Variants in ADGRG3 observed in about 807,000 individuals in gnomAD.
ADGRG3 encodes the protein adhesion G protein-coupled receptor G3.
A neutral mutation model predicts 54.3 loss-of-function variants in ADGRG3; 39 were observed. The ratio of observed to expected loss-of-function variants is 0.72; its 90% CI spans 0.56 to 0.94. ADGRG3 has a LOEUF of 0.94. Ranked by LOEUF, ADGRG3 falls within the 40% of genes least tolerant of loss-of-function variation. The pLI is 0.00. For missense variants in ADGRG3, 654 were observed against 694.6 expected, an observed-to-expected ratio of 0.94 and a Z score of 0.66; for synonymous variants, 312 against 290.0, an observed-to-expected ratio of 1.08 and a Z score of -0.77.
At chr16:57,669,290 C>T (rs1486408925) in intron 1 of ADGRG3, among the ~76,000 whole-genome samples, 2 of 152,238 alleles carry the variant, frequency 1.3e-5, no homozygotes, top group African/African-American at 4.8e-5. Context: ...CTTATTTGGT[C>T]TTCAAATAAC....
At chr16:57,668,198 A>G (rs1226108432), upstream of ADGRG3, 3 of 643,000 alleles carry the variant, frequency 4.7e-6, no homozygotes, top group African/African-American at 5.5e-5. Context: ...CAACCCAACC[A>G]ATGGCGCCAT....
chr16:57,676,180 C>G lies in ADGRG3; in HGVS notation c.207-20C>G. Reference sequence around the variant, plus strand: ...CAGCCTGCAGGATCCTACCCTCCCCCCATCCCTGGCCCTTTGCAGATACTG... The same window carrying G: ...CAGCCTGCAGGATCCTACCCTCCCCGCATCCCTGGCCCTTTGCAGATACTG... On this transcript the variant is annotated intron_variant, in intron 2 of 11. Coordinates refer to ENST00000333493, the MANE Select transcript of ADGRG3 (RefSeq NM_170776.5). 1.2e-6 allele frequency: 2 copies of G among 1,611,888 alleles called. No homozygotes were observed. The highest frequency in any genetic ancestry group is 1.3e-5 in the African/African-American group (1 of 74,936).
chr16:57,676,215 C>T lies in ADGRG3; in HGVS notation c.222C>T (p.Tyr74=), dbSNP rs762804141. The change falls in exon 3 of 12, where the codon TAC becomes TAT. Residue 74 remains tyrosine, a synonymous_variant. Coordinates refer to ENST00000333493, the MANE Select transcript of ADGRG3 (RefSeq NM_170776.5). ...CCCTTTGCAGATACTGGCTAAACTA[C>T]GAGGCCCATCTGATGAAGGAAGGTT... is the stretch of plus-strand genomic sequence containing the variant. ...VENLQRYWLN[Y]EAHLMKEGLT... 7.4e-6 allele frequency: 12 copies of T among 1,613,806 alleles called. No individual in the cohort carries two copies. The highest frequency in any genetic ancestry group is 4.0e-5 in the African/African-American group (3 of 74,892).
intron 1 of ADGRG3, among the ~76,000 whole-genome samples, chr16:57,671,344 T>G (rs1455010033): frequency 2.0e-5 from 3 of 146,674 alleles, no homozygotes; most frequent in Admixed American, 6.8e-5. Context: ...TTTTTTTTTT[T>G]TTTTTTTTTT....
At chr16:57,678,469 A>C in intron 4 of ADGRG3, 153 bp downstream of exon 4, 2 of 672,368 alleles carry the variant, frequency 3.0e-6, no homozygotes, top group Non-Finnish European at 5.1e-6. Context: ...TGGCCATCTC[A>C]GACACCTGTC....
chr16:57,687,178 C>T (rs2048487899), intron 11 of ADGRG3, among the ~76,000 whole-genome samples: 1 of 152,198 alleles, frequency 6.6e-6, no homozygotes, highest in African/African-American at 2.4e-5. Flanking sequence ...CATCCCTGAC[C>T]CAGCAAGTCA....
Position 57,685,854 on chromosome 16 carries a change from TG to T in ADGRG3, c.1473del (p.Leu492TrpfsTer134), listed in dbSNP as rs760988089. The part of the protein sequence containing the change: ...LGLSSLVGVT[W>X]GLAIFTPLGL... ...CCTCTCGAGCCTGGTGGGTGTGACATGGGGGTTGGCCATCTTCACCCCGTTG... is the reference window on the plus strand; with the variant it reads ...CCTCTCGAGCCTGGTGGGTGTGACATGGGGTTGGCCATCTTCACCCCGTTG... On this transcript the variant is annotated frameshift_variant, in exon 11 of 12. Transcript: ENST00000333493. LOFTEE classifies it high-confidence loss of function. 489 of 1,613,944 alleles carry T rather than the reference TG, an allele frequency of 3.0e-4. No homozygotes were observed. The highest frequency in any genetic ancestry group is 4.0e-4 in the Non-Finnish European group (473 of 1,179,982).
Position 57,681,726 on chromosome 16 carries a change from CA to C in ADGRG3, c.881+1129del, listed in dbSNP as rs775852211. The stretch of plus-strand genomic sequence containing the variant: ...GGACAACAAGTGCAAAACTCCGTCT[CA>C]AAAAAAAAAAAAAAAAAAAGAGAGA... On this transcript the variant is annotated intron_variant, in intron 8 of 11. Transcript: ENST00000333493. Among the ~76,000 whole-genome samples, 329 of 75,208 alleles carry C rather than the reference CA, an allele frequency of 4.4e-3. 3 individuals are homozygous for C. Among genetic ancestry groups the C allele is most frequent in the African/African-American group, 6.5e-3 (143 of 21,962 alleles). The allele number at this position is 75,208 out of a possible 152,430, so 49.3% of individuals were successfully genotyped here.
chr16:57,673,862 G>A (rs1347268474), intron 2 of ADGRG3, among the ~76,000 whole-genome samples: 1 of 152,132 alleles, frequency 6.6e-6, no homozygotes, highest in Non-Finnish European at 1.5e-5. Context: ...TTTTCCAGCT[G>A]GATCTAAACA....
rs1172011011 is a variant in ADGRG3, at chr16:57,684,098, C to T, written c.1048C>T (p.Leu350Phe). Residue 350 changes from leucine (L) to phenylalanine (F), a missense_variant, in exon 9 of 12, where the codon CTC becomes TTC. Physicochemically the swap from Leu to Phe is conservative, Grantham distance 22. Coordinates refer to ENST00000333493, the MANE Select transcript of ADGRG3 (RefSeq NM_170776.5). ...GGGGGCTGTCTTCCACTACTTCCTG[C>T]TCTGTGCCTTCACCTGGATGGGCCT... ...ARGAVFHYFL[L>F]CAFTWMGLEA... 1.2e-6 allele frequency: 2 copies of T among 1,614,128 alleles called. No homozygotes were observed. The highest frequency in any genetic ancestry group is 8.5e-7 in the Non-Finnish European group (1 of 1,180,010).
At chr16:57,681,414 C>T (rs1272537966) in intron 8 of ADGRG3, among the ~76,000 whole-genome samples, 1 of 151,812 alleles carries the variant, frequency 6.6e-6, no homozygotes, top group Non-Finnish European at 1.5e-5. Flanking sequence ...ATTTGATTGG[C>T]CCAGTCCAAA....
chr16:57,680,290 G>A lies in ADGRG3; in HGVS notation c.693G>A (p.Glu231=). 1 of 1,609,250 alleles carries A rather than the reference G, an allele frequency of 6.2e-7. No individual in the cohort carries two copies. The highest frequency in any genetic ancestry group is 2.2e-5 in the East Asian group (1 of 44,732). Residue 231 remains glutamate (E), a synonymous_variant, in exon 7 of 12, where the codon GAG becomes GAA. Transcript: ENST00000333493. ...TKGTTGDWSS[E]GCSTEVRPEG... ...GGACCACTGGAGACTGGTCTTCTGA[G>A]GGCTGCTCCACGGAGGTCAGACCTG...
chr16:57,668,150 A>T, upstream of ADGRG3: 1 of 588,366 alleles, frequency 1.7e-6, no homozygotes, highest in Admixed American at 3.0e-5. Flanking sequence ...GTGCGGTGAG[A>T]CTGGGAGCAC....
Position 57,676,303 on chromosome 16 carries a change from G to A in ADGRG3, c.310G>A (p.Ala104Thr), listed in dbSNP as rs1464509236. 1 of 1,614,194 alleles carries A rather than the reference G, an allele frequency of 6.2e-7. No homozygotes were observed. Among genetic ancestry groups the A allele is most frequent in the Admixed American group, 1.7e-5 (1 of 60,020 alleles). The change falls in exon 3 of 12, where the codon GCA becomes ACA. Residue 104 changes from alanine to threonine, a missense_variant. Transcript: ENST00000333493. ...ALVQNLSTNT[A>T]EDFYFSLEPS... Reference sequence around the variant, plus strand: ...GGTCCAGAACCTCAGCACCAACACTGCAGAAGACTTCTATTTCTCTCTGGA... The same window carrying A: ...GGTCCAGAACCTCAGCACCAACACTACAGAAGACTTCTATTTCTCTCTGGA...
In ADGRG3 at chr16:57,684,068, G is replaced by A. The variant is rs747504917; in HGVS notation, c.1018G>A (p.Ala340Thr). 8 of 1,614,078 alleles carry A rather than the reference G, an allele frequency of 5.0e-6. No homozygotes were observed. In the Admixed American group the frequency reaches 6.7e-5, roughly 13 times the overall value. The change falls in exon 9 of 12, where the codon GCC (alanine) becomes ACC (threonine). Residue 340 changes from alanine to threonine, a missense_variant. Coordinates refer to ENST00000333493, the MANE Select transcript of ADGRG3 (RefSeq NM_170776.5). ...AAAGGGGTCTGATGCTGCCTGCTGGGCCCGGGGGGCTGTCTTCCACTACTT... is the reference window on the plus strand; with the variant it reads ...AAAGGGGTCTGATGCTGCCTGCTGGACCCGGGGGGCTGTCTTCCACTACTT... ...GSKGSDAACW[A>T]RGAVFHYFLL...
At chr16:57,673,574 C>A in intron 2 of ADGRG3, 106 bp downstream of exon 2, 2 of 1,059,662 alleles carry the variant, frequency 1.9e-6, no homozygotes, top group Non-Finnish European at 2.7e-6. Flanking sequence ...AATGTTGCTC[C>A]CATCTGACTC....
rs752496259 is a variant in ADGRG3 at position 57,679,331 on chromosome 16, C to G, written c.627+20C>G. On this transcript the variant is annotated intron_variant, in intron 5 of 11. Coordinates refer to ENST00000333493, the MANE Select transcript of ADGRG3 (RefSeq NM_170776.5). Reference sequence around the variant, plus strand: ...CCCCCTGTGAGTCCCCTGCTCAGGCCTGGCAGCCACTGCAGGGCAGACAGG... The same window carrying G: ...CCCCCTGTGAGTCCCCTGCTCAGGCGTGGCAGCCACTGCAGGGCAGACAGG... The G allele has an allele frequency of 6.2e-7, 1 of 1,612,988 alleles. No individual in the cohort carries two copies.
chr16:57,682,819 T>TA (rs61202256), intron 8 of ADGRG3, among the ~76,000 whole-genome samples: 12,279 of 152,210 alleles, frequency 0.081, 582 homozygotes, highest in African/African-American at 0.13. Context: ...TGTGACCCCA[T>TA]AAGGCTCCCG....
intron 11 of ADGRG3, among the ~76,000 whole-genome samples, chr16:57,687,416 T>TA (rs2048495305): frequency 6.6e-6 from 1 of 152,190 alleles, no homozygotes; most frequent in African/African-American, 2.4e-5. Flanking sequence ...CATGCCCAGC[T>TA]AATTTTTGAA....
Sources: gnomAD v4.1 joint callset for allele counts (sites outside exome capture counted in the v4.1 genomes callset) on GRCh38, gnomAD v4.1.1 for gene constraint, MANE v1.5 for transcripts, NCBI Gene and HGNC (gene_info 2026-07-23, HGNC 2026-07-21) for gene names.